SLC16A2: variants seen among roughly 807,000 people sequenced by gnomAD.
The protein encoded by SLC16A2 is monocarboxylate transporter 8.
A neutral mutation model predicts 27.2 loss-of-function variants in SLC16A2; 3 were observed. That is an observed-to-expected ratio of 0.11 (90% confidence interval 0.05 to 0.28). The LOEUF (loss-of-function observed/expected upper bound fraction) is 0.28. Ranked by LOEUF, SLC16A2 falls within the 10% of genes least tolerant of loss-of-function variation. SLC16A2 has a pLI of 1.00. For synonymous variants in SLC16A2, 202 were observed against 187.8 expected, an observed-to-expected ratio of 1.08 and a Z score of -0.62; for missense variants, 295 against 458.5, an observed-to-expected ratio of 0.64 and a Z score of 3.26.
At chrX:74,431,073 C>CAA (rs1928527307) in intron 1 of SLC16A2, among the ~76,000 whole-genome samples, 1 of 112,777 alleles carries the variant, frequency 8.9e-6, no homozygotes. Context: ...GAATTTAAAA[C>CAA]AGAACTACCG....
At chrX:74,502,499 A>G (rs1187107972) in intron 1 of SLC16A2, among the ~76,000 whole-genome samples, 2 of 112,561 alleles carry the variant, frequency 1.8e-5, no homozygotes, top group African/African-American at 6.4e-5. Context: ...TGGAAGGCTT[A>G]CAACACATTT....
chrX:74,445,684 G>GTGAT (rs1928826977), intron 1 of SLC16A2, among the ~76,000 whole-genome samples: 1 of 105,111 alleles, frequency 9.5e-6, no homozygotes, highest in Admixed American at 1.0e-4. Context: ...GAGAGACATA[G>GTGAT]TGATTCTAGC....
rs780296042 is a variant in SLC16A2, at chrX:74,524,344, G to A, written c.576-15G>A. On this transcript the variant is annotated splice_polypyrimidine_tract_variant and intron_variant, in intron 2 of 5. Transcript: ENST00000587091. The stretch of plus-strand genomic sequence containing the variant: ...GTCAGGCTGCTGAGGACAGCTCTTG[G>A]TATTTCTCCCACAGCTCCCTAAGCC... The A allele has an allele frequency of 8.3e-7, 1 of 1,209,684 alleles. No individual in the cohort carries two copies. Among genetic ancestry groups the A allele is most frequent in the Admixed American group, 2.2e-5 (1 of 45,991 alleles).
intron 1 of SLC16A2, among the ~76,000 whole-genome samples, chrX:74,435,488 C>T (rs1263128793): frequency 3.2e-5 from 1 of 31,703 alleles, no homozygotes; most frequent in African/African-American, 7.4e-5. Flanking sequence ...GAGCAAGATC[C>T]CATCTCTTAT....
At chrX:74,521,859 T>C (rs1930412633) in intron 2 of SLC16A2, among the ~76,000 whole-genome samples, 1 of 112,030 alleles carries the variant, frequency 8.9e-6, no homozygotes, top group African/African-American at 3.2e-5. Flanking sequence ...GAAACCCTAG[T>C]CCCACTGGTT....
chrX:74,493,017 T>C (rs994038590), intron 1 of SLC16A2, among the ~76,000 whole-genome samples: 2 of 111,806 alleles, frequency 1.8e-5, no homozygotes, highest in Non-Finnish European at 3.8e-5. Flanking sequence ...GTCTCAGATG[T>C]CTGTTCTTGA....
chrX:74,470,942 A>T (rs1929344708), intron 1 of SLC16A2, among the ~76,000 whole-genome samples: 1 of 111,956 alleles, frequency 8.9e-6, no homozygotes, highest in African/African-American at 3.2e-5. Flanking sequence ...CGTCTCAAAA[A>T]AAAAAAATCA....
intron 1 of SLC16A2, among the ~76,000 whole-genome samples, chrX:74,474,900 TCCAAGTC>T (rs1929435348): frequency 9.0e-6 from 1 of 110,874 alleles, no homozygotes; most frequent in Non-Finnish European, 1.9e-5. Flanking sequence ...TTGGGTTGGT[TCCAAGTC>T]TTTGCTATTG....
chrX:74,520,853 A>T, intron 1 of SLC16A2, 137 bp from the exon 2 acceptor site: 1 of 652,628 alleles, frequency 1.5e-6, no homozygotes, highest in Non-Finnish European at 2.5e-6. Context: ...CTCTCTGAAC[A>T]TCAGGGACTA....
At chrX:74,524,191 T>G (rs1029764032) in intron 2 of SLC16A2, among the ~76,000 whole-genome samples, 168 bp from the exon 3 acceptor site, 1 of 111,878 alleles carries the variant, frequency 8.9e-6, no homozygotes, top group African/African-American at 3.3e-5. Context: ...CTTCCCCATC[T>G]GCAACACAGG....
intron 1 of SLC16A2, among the ~76,000 whole-genome samples, chrX:74,449,872 C>T (rs954441027): frequency 5.4e-5 from 6 of 111,449 alleles, no homozygotes; most frequent in African/African-American, 2.0e-4. Context: ...TCTGCCTAAC[C>T]CTTCTCCCAT....
intron 2 of SLC16A2, among the ~76,000 whole-genome samples, chrX:74,522,570 A>T (rs140407203): frequency 8.9e-6 from 1 of 111,987 alleles, no homozygotes; most frequent in African/African-American, 3.2e-5. Flanking sequence ...CAGTCTCAGC[A>T]CTATACAGCA....
intron 1 of SLC16A2, among the ~76,000 whole-genome samples, chrX:74,463,807 G>A (rs1407114229): frequency 8.9e-6 from 1 of 112,389 alleles, no homozygotes; most frequent in African/African-American, 3.2e-5. Context: ...GATTACAGGC[G>A]TGAGCCACCG....
chrX:74,456,527 G>GACA (rs3066232), intron 1 of SLC16A2, among the ~76,000 whole-genome samples: 2 of 108,341 alleles, frequency 1.8e-5, no homozygotes, highest in Non-Finnish European at 3.8e-5. Context: ...CCTGTGCAAC[G>GACA]ACAACAACAA....
chrX:74,454,417 G>A (rs1195336690), intron 1 of SLC16A2, among the ~76,000 whole-genome samples: 1 of 110,212 alleles, frequency 9.1e-6, no homozygotes, highest in Non-Finnish European at 1.9e-5. Context: ...ATGAGTTCAT[G>A]TCCTTTGTAG....
At chrX:74,476,418 T>C (rs1306892651) in intron 1 of SLC16A2, among the ~76,000 whole-genome samples, 1 of 112,204 alleles carries the variant, frequency 8.9e-6, no homozygotes, top group Admixed American at 9.5e-5. Flanking sequence ...TCATGTCATC[T>C]GCAAACAGGG....
chrX:74,453,144 C>T (rs970257543), intron 1 of SLC16A2, among the ~76,000 whole-genome samples: 1 of 108,214 alleles, frequency 9.2e-6, no homozygotes, highest in Non-Finnish European at 1.9e-5. Flanking sequence ...TGGGTTCAAG[C>T]TATTCTCCCG....
intron 1 of SLC16A2, among the ~76,000 whole-genome samples, chrX:74,425,889 G>C (rs1220111252): frequency 8.9e-6 from 1 of 112,060 alleles, no homozygotes; most frequent in African/African-American, 3.2e-5. Context: ...CTCCCAAGGG[G>C]GGTCAAGGCT....
intron 4 of SLC16A2, 97 bp downstream of exon 4, chrX:74,525,990 G>C: frequency 1.0e-6 from 1 of 981,736 alleles, no homozygotes; most frequent in African/African-American, 1.9e-5. Flanking sequence ...TTGTTGTGTC[G>C]CATGGGAAAG....
Sources: gnomAD v4.1 joint callset for allele counts (sites outside exome capture counted in the v4.1 genomes callset) on GRCh38, gnomAD v4.1.1 for gene constraint, MANE v1.5 for transcripts, NCBI Gene and HGNC (gene_info 2026-07-23, HGNC 2026-07-21) for gene names.